MYO9B: variants seen among roughly 807,000 people sequenced by gnomAD.
MYO9B encodes myosin IXB, also known as unconventional myosin-IXb.
MYO9B carries 71 observed loss-of-function variants against 229.5 expected under a neutral mutation model. The ratio of observed to expected loss-of-function variants is 0.31; its 90% CI spans 0.26 to 0.38. MYO9B has a LOEUF of 0.38. Among genes scored for constraint, MYO9B ranks in the 10% least tolerant of loss-of-function variants. The probability of loss-of-function intolerance (pLI) is 1.00; values close to 1 mark genes in which losing one functional copy is unlikely to be tolerated. For synonymous variants in MYO9B, 1,185 were observed against 1,235.8 expected, an observed-to-expected ratio of 0.96 and a Z score of 0.86; for missense variants, 2,255 against 2,920.5, an observed-to-expected ratio of 0.77 and a Z score of 5.25.
rs539259689 is a variant in MYO9B at position 17,112,542 on chromosome 19, G to A, written c.840+9985G>A. 9.3e-4 allele frequency among the ~76,000 whole-genome samples: 141 copies of A among 152,304 alleles called. 5 individuals carry two copies. The South Asian group carries it at 0.028, about 30-fold the overall frequency. On this transcript the variant is annotated intron_variant, in intron 2 of 39. Transcript: ENST00000682292. ...GAGTCCTGGGAGCAACCCCAGCCGC[G>A]GGGATGTGCCAGATCTGAGGCTGAT...
intron 1 of MYO9B, among the ~76,000 whole-genome samples, chr19:17,088,388 G>T (rs111508170): frequency 1.3e-5 from 2 of 152,342 alleles, no homozygotes; most frequent in African/African-American, 2.4e-5. Context: ...ACATTCTGAG[G>T]TTCGCGGTAA....
In MYO9B at chr19:17,154,085, G is replaced by A. The variant is rs755355736; in HGVS notation, c.1098+19G>A. ...CAACCAGGTAAACAGCCTCAAGCCC[G>A]AGCCACAAACGCCACCTCTGTTCCC... On this transcript the variant is annotated intron_variant, in intron 5 of 39. Coordinates refer to ENST00000682292, the MANE Select transcript of MYO9B (RefSeq NM_004145.4). 1.1e-5 allele frequency: 17 copies of A among 1,600,420 alleles called. No homozygotes were observed. In the Admixed American group the frequency reaches 1.2e-4, roughly 11 times the overall value.
Position 17,194,750 on chromosome 19 carries a change from G to C in MYO9B, c.3323G>C (p.Arg1108Thr). ...GAGCCTGAGGTGCAGCCAAGTGACAGGTCCCCCCTAGAGCACTCCTCACCT... is the reference window on the plus strand; with the variant it reads ...GAGCCTGAGGTGCAGCCAAGTGACACGTCCCCCCTAGAGCACTCCTCACCT... ...ASEPEVQPSD[R>T]SPLEHSSPEK... The change falls in exon 22 of 40, where the codon AGG becomes ACG. Residue 1108 changes from arginine (R) to threonine (T), a missense_variant. By Grantham distance (71) the Arg-to-Thr change is moderately conservative. Around this residue, in one of 7 missense-constraint regions of MYO9B, gnomAD observed 679 missense variants for 770.2 expected, o/e 0.88. Coordinates refer to ENST00000682292, the MANE Select transcript of MYO9B (RefSeq NM_004145.4). 6.2e-7 allele frequency: 1 copy of C among 1,613,168 alleles called. No individual in the cohort carries two copies. The highest frequency in any genetic ancestry group is 8.5e-7 in the Non-Finnish European group (1 of 1,179,882).
intron 38 of MYO9B, 86 bp from the exon 39 acceptor site, chr19:17,211,561 T>G (rs2073229534): frequency 7.8e-7 from 1 of 1,279,032 alleles, no homozygotes; most frequent in Non-Finnish European, 1.1e-6. Context: ...GAGTTACATC[T>G]AGGAGCAGGA....
chr19:17,167,790 A>T, intron 10 of MYO9B, 153 bp from the exon 11 acceptor site: 1 of 1,021,496 alleles, frequency 9.8e-7, no homozygotes, highest in Non-Finnish European at 1.4e-6. Context: ...TATTAGAGTT[A>T]ATTTTAAGCC....
chr19:17,201,860 G>A, intron 26 of MYO9B, 66 bp from the exon 27 acceptor site: 2 of 1,221,786 alleles, frequency 1.6e-6, no homozygotes, highest in South Asian at 2.6e-5. Context: ...GACCCCTTGG[G>A]CACCTCCTCG....
chr19:17,181,132 G>A lies in MYO9B; in HGVS notation c.2333+92G>A, dbSNP rs1286739106. 17 of 844,318 alleles carry A rather than the reference G, an allele frequency of 2.0e-5. 1 individual carries two copies. The highest frequency in any genetic ancestry group is 1.2e-4 in the South Asian group (7 of 58,180). The allele number at this position is 844,318 out of a possible 1,614,324, so 52.3% of individuals were successfully genotyped here. ...GCGGGGCCTGCAGTCTTCCTAATTT[G>A]CATCGGCCACTAAAACCACAGTGCT... On this transcript the variant is annotated intron_variant, in intron 15 of 39. Coordinates refer to ENST00000682292, the MANE Select transcript of MYO9B (RefSeq NM_004145.4).
At chr19:17,206,538 C>A in intron 33 of MYO9B, 141 bp from the exon 34 acceptor site, 1 of 1,290,326 alleles carries the variant, frequency 7.7e-7, no homozygotes, top group Non-Finnish European at 1.1e-6. Flanking sequence ...GGGGTGGGGC[C>A]AGGACACCTC....
chr19:17,210,558 C>T, intron 37 of MYO9B, 157 bp from the exon 38 acceptor site: 1 of 1,239,736 alleles, frequency 8.1e-7, no homozygotes, highest in South Asian at 1.6e-5. Context: ...TAATCGGCCA[C>T]ATGACCACCA....
intron 30 of MYO9B, among the ~76,000 whole-genome samples, chr19:17,203,992 G>A (rs1339931750): frequency 6.6e-6 from 1 of 152,026 alleles, no homozygotes; most frequent in Non-Finnish European, 1.5e-5. Flanking sequence ...CAGTACCCAA[G>A]CCCAGGCAGC....
At chr19:17,184,016 G>T in intron 16 of MYO9B, 148 bp downstream of exon 16, 1 of 814,426 alleles carries the variant, frequency 1.2e-6, no homozygotes, top group Non-Finnish European at 1.9e-6. Context: ...TTCTCGTGTT[G>T]AGATGATTTA....
rs772519685 is a variant in MYO9B, at chr19:17,184,969, C to T, written c.2478C>T (p.Ser826=). Residue 826 remains serine, a synonymous_variant, in exon 17 of 40, where the codon AGC becomes AGT. Coordinates refer to ENST00000682292, the MANE Select transcript of MYO9B (RefSeq NM_004145.4). ...TGCACAAGAAGAAAAAGCCACCAAG[C>T]ATCAGCGCCCAGTTCCAGGTAGGTG... ...LHLHKKKKPP[S]ISAQFQTSLN... is the part of the protein sequence containing the mutation. 1 of 1,613,990 alleles carries T rather than the reference C, an allele frequency of 6.2e-7. No individual in the cohort carries two copies. Among genetic ancestry groups the T allele is most frequent in the Non-Finnish European group, 8.5e-7 (1 of 1,179,858 alleles).
intron 14 of MYO9B, among the ~76,000 whole-genome samples, chr19:17,179,560 G>A (rs2072832329): frequency 2.0e-5 from 3 of 151,132 alleles, no homozygotes; most frequent in Non-Finnish European, 4.4e-5. Flanking sequence ...CGGAGTGACT[G>A]GGACTACAGG....
intron 22 of MYO9B, among the ~76,000 whole-genome samples, chr19:17,196,041 G>A (rs1048003017): frequency 1.3e-5 from 2 of 151,588 alleles, no homozygotes; most frequent in African/African-American, 2.4e-5. Flanking sequence ...ATCATAAGAT[G>A]TTGAGCAGCA....
At chr19:17,167,637 G>A (rs1387046699) in intron 10 of MYO9B, among the ~76,000 whole-genome samples, 1 of 151,746 alleles carries the variant, frequency 6.6e-6, no homozygotes, top group Non-Finnish European at 1.5e-5. Context: ...GTGCAACCAC[G>A]CCTGGCTAAT....
intron 35 of MYO9B, chr19:17,208,015 A>AC (rs2073182170): frequency 2.0e-5 from 3 of 149,684 alleles, no homozygotes; most frequent in African/African-American, 7.4e-5. Context: ...TATCTCAAAA[A>AC]AAAAAAACAA....
Position 17,103,192 on chromosome 19 carries a change from CAG to C in MYO9B, c.840+639_840+640del, listed in dbSNP as rs2057762548. The C allele has an allele frequency of 2.0e-5, 3 of 152,320 alleles. No homozygotes were observed. In the East Asian group the frequency reaches 5.8e-4, roughly 29 times the overall value. The allele number at this position is 152,320 out of a possible 1,614,324, so 9.4% of individuals were successfully genotyped here. A position where few individuals can be genotyped will look rare whatever the true frequency, so the allele number is the denominator to read the frequency against. On this transcript the variant is annotated intron_variant, in intron 2 of 39. Transcript: ENST00000682292. The stretch of plus-strand genomic sequence containing the variant: ...CACTACTGCACTCCAGCCTGGGCAA[CAG>C]AGACAGACCCTGCCTCTAAAGAGAG...
At chr19:17,189,888 C>G (rs2072962267) in intron 19 of MYO9B, among the ~76,000 whole-genome samples, 2 of 151,826 alleles carry the variant, frequency 1.3e-5, no homozygotes, top group South Asian at 4.1e-4. Flanking sequence ...ACGGTGAAAC[C>G]CCGTCTCTAC....
chr19:17,185,261 C>T (rs1349656205), intron 17 of MYO9B, among the ~76,000 whole-genome samples: 1 of 151,480 alleles, frequency 6.6e-6, no homozygotes, highest in Non-Finnish European at 1.5e-5. Context: ...GTAGTCCCAG[C>T]TACTCGGGAG....
Sources: gnomAD v4.1 joint callset for allele counts (sites outside exome capture counted in the v4.1 genomes callset) on GRCh38, gnomAD v4.1.1 for gene constraint, gnomAD v4.1.1 regional missense constraint, MANE v1.5 for transcripts, NCBI Gene and HGNC (gene_info 2026-07-23, HGNC 2026-07-21) for gene names.